Variants in ASAP3 observed in about 807,000 individuals in gnomAD.
ASAP3 encodes arf-GAP with SH3 domain, ANK repeat and PH domain-containing protein 3.
Under a neutral mutation model 118.2 loss-of-function variants are expected in ASAP3, and 85 were observed. The ratio of observed to expected loss-of-function variants is 0.72; its 90% confidence interval spans 0.60 to 0.86. ASAP3 has a LOEUF of 0.86. Ranked by LOEUF, ASAP3 falls within the 40% of genes least tolerant of loss-of-function variation. ASAP3 has a pLI of 0.00. For missense variants in ASAP3, 1,026 were observed against 1,175.0 expected, an observed-to-expected ratio of 0.87 and a Z score of 1.85; for synonymous variants, 432 against 477.4, an observed-to-expected ratio of 0.90 and a Z score of 1.24.
intron 1 of ASAP3, among the ~76,000 whole-genome samples, chr1:23,482,035 G>A (rs1642321881): frequency 6.6e-6 from 1 of 152,180 alleles, no homozygotes; most frequent in Admixed American, 6.5e-5. Context: ...CTCTGCCCAA[G>A]GAAGGAAGCC....
chr1:23,436,678 T>A lies in ASAP3; in HGVS notation c.1477-24A>T. ...AGCTGGAGTCGTAGGAAAATAGACG[T>A]GGGGCGGAGTAAGACCGGGCGGTTA... On this transcript the variant is annotated intron_variant, in intron 15 of 24. Coordinates refer to ENST00000336689, the MANE Select transcript of ASAP3 (RefSeq NM_017707.4). The surrounding 1 kb of genome is among the most constrained non-coding windows in gnomAD (Gnocchi z 4.2). The A allele has an allele frequency of 6.2e-7, 1 of 1,613,706 alleles. No individual in the cohort carries two copies. The highest frequency in any genetic ancestry group is 8.5e-7 in the Non-Finnish European group (1 of 1,179,604).
chr1:23,456,125 G>C lies in ASAP3; in HGVS notation c.199C>G (p.Leu67Val). 1 of 1,614,130 alleles carries C rather than the reference G, an allele frequency of 6.2e-7. No individual in the cohort carries two copies. The highest frequency in any genetic ancestry group is 8.5e-7 in the Non-Finnish European group (1 of 1,180,016). Residue 67 changes from leucine (L) to valine (V), a missense_variant, in exon 2 of 25, where the codon CTT (leucine) becomes GTT (valine). Coordinates refer to ENST00000336689, the MANE Select transcript of ASAP3 (RefSeq NM_017707.4). ...GGCACCCAGGAGGCTCACTTACCAA[G>C]GCCGGAGCTATGGATTGCCCGCACA... ...KAVRAIHSSG[L>V]GHVENEEQYR...
Position 23,436,773 on chromosome 1 carries a change from G to T in ASAP3, c.1477-119C>A, listed in dbSNP as rs1421876331. The T allele has an allele frequency of 2.6e-5, 31 of 1,194,484 alleles. No individual in the cohort carries two copies. Among genetic ancestry groups the T allele is most frequent in the Non-Finnish European group, 3.4e-5 (30 of 874,640 alleles). 74.0% of individuals were successfully genotyped at this position (1,194,484 alleles called of 1,614,324 possible). ...CGGCCGCCCTCCCGGTTCAGGCCCC[G>T]CCCCTGACCACCCGCTACCTGGCTT... On this transcript the variant is annotated intron_variant, in intron 15 of 24. Transcript: ENST00000336689. The surrounding 1 kb of genome is among the most constrained non-coding windows in gnomAD (Gnocchi z 4.2).
chr1:23,449,045 A>G (rs1420509785), intron 5 of ASAP3, among the ~76,000 whole-genome samples: 1 of 103,478 alleles, frequency 9.7e-6, no homozygotes, highest in Non-Finnish European at 2.6e-5. Flanking sequence ...TTATTTTCTG[A>G]GAGATAACAG....
At chr1:23,432,505 C>A (rs1369144934) in intron 22 of ASAP3, among the ~76,000 whole-genome samples, 1 of 152,198 alleles carries the variant, frequency 6.6e-6, no homozygotes, top group African/African-American at 2.4e-5. Flanking sequence ...ACCAGGAAGC[C>A]TTCTTAAACC....
chr1:23,440,136 T>C (rs1287892278), intron 10 of ASAP3, among the ~76,000 whole-genome samples: 1 of 151,528 alleles, frequency 6.6e-6, no homozygotes, highest in African/African-American at 2.4e-5. Flanking sequence ...TTTTTTTTTT[T>C]TTTTTTACAC....
chr1:23,429,070 G>C lies in ASAP3; in HGVS notation c.*786C>G, dbSNP rs1640332075. On this transcript the variant is annotated 3_prime_UTR_variant, in exon 25 of 25. Coordinates refer to ENST00000336689, the MANE Select transcript of ASAP3 (RefSeq NM_017707.4). ...ATCAAGGACACAGGCAAATGTGGGT[G>C]CATCTGACTCTACAATTTGGCTGGG... 1 of 154,404 alleles carries C rather than the reference G, an allele frequency of 6.5e-6. No individual in the cohort carries two copies. Among genetic ancestry groups the C allele is most frequent in the South Asian group, 2.0e-4 (1 of 4,902 alleles). 9.6% of individuals were successfully genotyped at this position (154,404 alleles called of 1,614,324 possible). A position where few individuals can be genotyped will look rare whatever the true frequency, so the allele number is the denominator to read the frequency against.
chr1:23,460,326 G>A (rs145997750), intron 1 of ASAP3, among the ~76,000 whole-genome samples: 1,700 of 152,084 alleles, frequency 0.011, 36 homozygotes, highest in African/African-American at 0.038. Flanking sequence ...GGCAAACATG[G>A]TGAAACCCTG....
At chr1:23,432,558 C>T (rs910171771) in intron 22 of ASAP3, among the ~76,000 whole-genome samples, 1 of 152,240 alleles carries the variant, frequency 6.6e-6, no homozygotes, top group Non-Finnish European at 1.5e-5. Context: ...CCAACTGCCC[C>T]AACCTCCCAC....
rs1439598000 is a variant in ASAP3 at position 23,431,935 on chromosome 1, C to T, written c.2324-17G>A. On this transcript the variant is annotated splice_polypyrimidine_tract_variant and intron_variant, in intron 22 of 24. Coordinates refer to ENST00000336689, the MANE Select transcript of ASAP3 (RefSeq NM_017707.4). ...CAGAACGATCTGGAATCAGAAACAT[C>T]AGAAATGATAAAGCTTTTCTTTATC... 6.2e-7 allele frequency: 1 copy of T among 1,609,778 alleles called. No homozygotes were observed. The highest frequency in any genetic ancestry group is 2.2e-5 in the East Asian group (1 of 44,838).
At chr1:23,444,963 C>CA (rs1553174168) in intron 5 of ASAP3, among the ~76,000 whole-genome samples, 5 of 137,278 alleles carry the variant, frequency 3.6e-5, no homozygotes, top group Non-Finnish European at 7.7e-5. Flanking sequence ...GCTCTGTAGG[C>CA]TTTTTTTTTT....
At chr1:23,454,540 A>C (rs1027012769) in intron 3 of ASAP3, among the ~76,000 whole-genome samples, 1 of 151,146 alleles carries the variant, frequency 6.6e-6, no homozygotes, top group Non-Finnish European at 1.5e-5. Flanking sequence ...GCTGGTCTAG[A>C]GCTTCTGGGC....
chr1:23,478,994 A>G (rs754952025), intron 1 of ASAP3, among the ~76,000 whole-genome samples: 5 of 151,886 alleles, frequency 3.3e-5, no homozygotes, highest in Non-Finnish European at 7.4e-5. Flanking sequence ...GCCCCCTCCC[A>G]CACCATAGGT....
chr1:23,484,129 G>T lies in ASAP3; in HGVS notation c.5C>A (p.Pro2Gln). Reference sequence around the variant, plus strand: ...GAACTCGGCGACGCTGAACTGCTCCGGCATGGCGGGCGCGAGCGTGGAGCT... The same window carrying T: ...GAACTCGGCGACGCTGAACTGCTCCTGCATGGCGGGCGCGAGCGTGGAGCT... M[P>Q]EQFSVAEFLA... is the part of the protein sequence containing the mutation. Residue 2 changes from proline to glutamine, a missense_variant, in exon 1 of 25, where the codon CCG becomes CAG. Transcript: ENST00000336689. 2 of 1,278,210 alleles carry T rather than the reference G, an allele frequency of 1.6e-6. No homozygotes were observed. The highest frequency in any genetic ancestry group is 4.0e-5 in the Admixed American group (1 of 24,786). The allele number at this position is 1,278,210 out of a possible 1,614,324, so 79.2% of individuals were successfully genotyped here. A position where few individuals can be genotyped will look rare whatever the true frequency, so the allele number is the denominator to read the frequency against.
At chr1:23,477,333 C>T (rs572333941) in intron 1 of ASAP3, among the ~76,000 whole-genome samples, 16 of 141,528 alleles carry the variant, frequency 1.1e-4, no homozygotes, top group Admixed American at 4.5e-4. Flanking sequence ...GCCGAGATCA[C>T]GCCACTGCAC....
At chr1:23,481,060 G>A (rs1349222990) in intron 1 of ASAP3, among the ~76,000 whole-genome samples, 4 of 152,192 alleles carry the variant, frequency 2.6e-5, no homozygotes, top group South Asian at 4.1e-4. Flanking sequence ...GGTAGAACAC[G>A]TGGGTAGAAA....
chr1:23,433,179 C>T lies in ASAP3; in HGVS notation c.2221G>A (p.Ala741Thr). 6.2e-7 allele frequency: 1 copy of T among 1,614,178 alleles called. No individual in the cohort carries two copies. Among genetic ancestry groups the T allele is most frequent in the Non-Finnish European group, 8.5e-7 (1 of 1,180,040 alleles). The change falls in exon 22 of 25, where the codon GCA becomes ACA. Residue 741 changes from alanine (A) to threonine (T), a missense_variant. Coordinates refer to ENST00000336689, the MANE Select transcript of ASAP3 (RefSeq NM_017707.4). Reference protein sequence around the residue: ...KTYETVASLGAATPQGESEDC... With the variant: ...KTYETVASLGTATPQGESEDC... The stretch of plus-strand genomic sequence containing the variant: ...TCACTCTCGCCCTGAGGGGTGGCTG[C>T]TCCCAGGCTGGCGACAGTCTCATAG...
In ASAP3 at chr1:23,484,063, GC is replaced by G. The variant is rs1353199799; in HGVS notation, c.70del (p.Ala24ProfsTer32). On this transcript the variant is annotated frameshift_variant, in exon 1 of 25. Coordinates refer to ENST00000336689, the MANE Select transcript of ASAP3 (RefSeq NM_017707.4). LOFTEE classifies it high-confidence loss of function. ...TAEDLSSPAG[A>X]AAFAAKMPRY... ...GGGCATCTTGGCGGCGAAGGCGGCG[GC>G]CCCAGCCGGGGAGCTGAGGTCCTCC... 1.5e-6 allele frequency: 2 copies of G among 1,351,036 alleles called. No individual in the cohort carries two copies. The highest frequency in any genetic ancestry group is 1.9e-6 in the Non-Finnish European group (2 of 1,052,248). 83.7% of individuals were successfully genotyped at this position (1,351,036 alleles called of 1,614,324 possible). A position where few individuals can be genotyped will look rare whatever the true frequency, so the allele number is the denominator to read the frequency against.
Position 23,436,149 on chromosome 1 carries a change from G to T in ASAP3, c.1572-121C>A. 8.9e-7 allele frequency: 1 copy of T among 1,120,464 alleles called. No individual in the cohort carries two copies. Among genetic ancestry groups the T allele is most frequent in the Non-Finnish European group, 1.3e-6 (1 of 781,504 alleles). 69.4% of individuals were successfully genotyped at this position (1,120,464 alleles called of 1,614,324 possible). A position where few individuals can be genotyped will look rare whatever the true frequency, so the allele number is the denominator to read the frequency against. On this transcript the variant is annotated intron_variant, in intron 16 of 24. Transcript: ENST00000336689. The surrounding 1 kb of genome is among the most constrained non-coding windows in gnomAD (Gnocchi z 4.2). ...CAGAACCATGTCCTGAAGACGTCTA[G>T]ATCTGAGGCTCCCCTCTCCCCAGGC...
Sources: allele counts gnomAD v4.1 joint callset (sites outside exome capture counted in the v4.1 genomes callset), GRCh38; gene constraint gnomAD v4.1.1; non-coding constraint Gnocchi (gnomAD v3.1); transcripts MANE v1.5; gene names NCBI Gene and HGNC (gene_info 2026-07-23, HGNC 2026-07-21).